Variants in AP2A2 observed in about 807,000 individuals in gnomAD.
AP2A2 encodes the protein AP-2 complex subunit alpha-2.
Under a neutral mutation model 104.2 loss-of-function variants are expected in AP2A2, and 32 were observed. That is an observed-to-expected ratio of 0.31 (90% confidence interval 0.23 to 0.41). The LOEUF is 0.41. Among genes scored for constraint, AP2A2 ranks in the 10% least tolerant of loss-of-function variants. The pLI, the probability that AP2A2 is intolerant of heterozygous loss-of-function variation, is 1.00. For missense variants in AP2A2, 912 were observed against 1,261.0 expected (o/e 0.72, Z 4.19); for synonymous variants, 539 against 533.3 (o/e 1.01, Z -0.15).
chr11:960,066 A>G (rs750418956), intron 2 of AP2A2, among the ~76,000 whole-genome samples: 36 of 152,128 alleles, frequency 2.4e-4, no homozygotes, highest in Admixed American at 3.9e-4. Context: ...CACCTCCCTG[A>G]GCATACCTTA....
At chr11:934,868 T>C (rs1252225840) in intron 1 of AP2A2, among the ~76,000 whole-genome samples, 1 of 151,976 alleles carries the variant, frequency 6.6e-6, no homozygotes, top group African/African-American at 2.4e-5. Flanking sequence ...CTTTTCTTTT[T>C]TTTTTTTGGA....
intron 2 of AP2A2, among the ~76,000 whole-genome samples, chr11:969,564 G>A (rs1854749092): frequency 6.6e-6 from 1 of 152,048 alleles, no homozygotes; most frequent in African/African-American, 2.4e-5. Flanking sequence ...TTTATATTTT[G>A]GAATTTTATA....
At chr11:973,974 C>T (rs900367889) in intron 4 of AP2A2, among the ~76,000 whole-genome samples, 3 of 152,204 alleles carry the variant, frequency 2.0e-5, no homozygotes, top group Non-Finnish European at 4.4e-5. Flanking sequence ...CCCTGAGGCA[C>T]GTGCAGATTG....
chr11:993,884 G>A lies in AP2A2; in HGVS notation c.1681G>A (p.Val561Met), dbSNP rs1378303118. 5.0e-6 allele frequency: 8 copies of A among 1,610,414 alleles called. No homozygotes were observed. Among genetic ancestry groups the A allele is most frequent in the African/African-American group, 1.3e-5 (1 of 74,910 alleles). The part of the protein sequence containing the change: ...FPEVKPTIQD[V>M]LRSDSQLRNA... Reference sequence around the variant, plus strand: ...GGAGGTGAAGCCCACCATCCAGGACGTGCTGCGCAGCGACAGCCAGCTCAG... The same window carrying A: ...GGAGGTGAAGCCCACCATCCAGGACATGCTGCGCAGCGACAGCCAGCTCAG... The change falls in exon 13 of 22, where the codon GTG (valine) becomes ATG (methionine). Residue 561 changes from valine to methionine, a missense_variant. Physicochemically the swap from Val to Met is conservative, Grantham distance 21. Around this residue, in one of 7 missense-constraint regions of AP2A2, gnomAD observed 137 missense variants for 186.9 expected, o/e 0.73. Coordinates refer to ENST00000448903, the MANE Select transcript of AP2A2 (RefSeq NM_012305.4). The surrounding 1 kb of genome is among the most constrained non-coding windows in gnomAD (Gnocchi z 8.2).
intron 21 of AP2A2, chr11:1,010,088 C>G (rs147513499): frequency 1.2e-5 from 6 of 498,588 alleles, no homozygotes; most frequent in Non-Finnish European, 1.8e-5. Flanking sequence ...CCCAGCCTCC[C>G]CACAGCTGGC....
intron 3 of AP2A2, 115 bp from the exon 4 acceptor site, chr11:971,947 G>A (rs936899119): frequency 9.9e-7 from 1 of 1,013,602 alleles, no homozygotes; most frequent in African/African-American, 1.6e-5. Flanking sequence ...CTGGGTGCGT[G>A]GGTGGTGCCT....
chr11:984,494 T>G, intron 6 of AP2A2, 151 bp from the exon 7 acceptor site: 2 of 675,520 alleles, frequency 3.0e-6, no homozygotes, highest in Non-Finnish European at 5.1e-6. Context: ...ACCCAGGGGG[T>G]ACCAAGCAGT....
At chr11:929,086 G>A (rs1565222201) in intron 1 of AP2A2, among the ~76,000 whole-genome samples, 1 of 152,204 alleles carries the variant, frequency 6.6e-6, no homozygotes, top group Non-Finnish European at 1.5e-5. Flanking sequence ...GGTATTAGAG[G>A]AACAGCAAAT....
At position 971,777 on chromosome 11, in the gene AP2A2, C is replaced by T. The variant is rs530778357; in HGVS notation, c.280-285C>T. Among the ~76,000 whole-genome samples, 44 of 152,256 alleles carry T rather than the reference C, an allele frequency of 2.9e-4. 1 individual carries two copies. Among genetic ancestry groups the T allele is most frequent in the South Asian group, 2.7e-3 (13 of 4,822 alleles). ...TGGCCCACAGTGAAGTGAGTGGGAC[C>T]GGGGGGTCCAGTTCCTGTTGGCATC... On this transcript the variant is annotated intron_variant, in intron 3 of 21. Coordinates refer to ENST00000448903, the MANE Select transcript of AP2A2 (RefSeq NM_012305.4).
chr11:936,050 C>T (rs1251119965), intron 1 of AP2A2, among the ~76,000 whole-genome samples: 1 of 151,038 alleles, frequency 6.6e-6, no homozygotes. Flanking sequence ...TACAGGCGCC[C>T]ACCACCACGC....
chr11:985,524 T>TC lies in AP2A2; in HGVS notation c.906dup (p.Asn303GlnfsTer18). On this transcript the variant is annotated frameshift_variant, in exon 8 of 22. Transcript: ENST00000448903. LOFTEE classifies it high-confidence loss of function. ...GCCCAAGTCGAAGAAGGTCCAGCAC[T>TC]CCAACGCGAAGAATGCCGTGCTCTT... The TC allele has an allele frequency of 6.2e-7, 1 of 1,613,892 alleles. No homozygotes were observed. Among genetic ancestry groups the TC allele is most frequent in the Non-Finnish European group, 8.5e-7 (1 of 1,179,874 alleles).
At chr11:936,994 G>A (rs952588890) in intron 1 of AP2A2, among the ~76,000 whole-genome samples, 2 of 152,044 alleles carry the variant, frequency 1.3e-5, no homozygotes, top group Non-Finnish European at 2.9e-5. Flanking sequence ...CTCTGCTCCA[G>A]GGAGTTTCCT....
At chr11:1,007,908 G>A (rs186553705) in intron 17 of AP2A2, 104 bp from the exon 18 acceptor site, 1,408 of 1,504,244 alleles carry the variant, frequency 9.4e-4, no homozygotes, top group Non-Finnish European at 1.2e-3. Flanking sequence ...GTCCTAGAGT[G>A]TGGTGAGTGT....
intron 10 of AP2A2, among the ~76,000 whole-genome samples, chr11:989,860 C>T (rs1284912088): frequency 6.6e-6 from 1 of 152,198 alleles, no homozygotes; most frequent in Non-Finnish European, 1.5e-5. Flanking sequence ...AGGACCACAG[C>T]CTCTTGTTGA....
intron 2 of AP2A2, among the ~76,000 whole-genome samples, 196 bp downstream of exon 2, chr11:959,701 C>T (rs550026324): frequency 6.6e-5 from 10 of 152,312 alleles, no homozygotes; most frequent in African/African-American, 2.4e-4. Context: ...CTCCTGGTGT[C>T]TGGTCTTTTC....
intron 1 of AP2A2, among the ~76,000 whole-genome samples, chr11:934,849 G>T (rs1360373417): frequency 1.3e-5 from 2 of 151,166 alleles, no homozygotes; most frequent in South Asian, 2.1e-4. Context: ...GCAAGTACGT[G>T]TTTCTTTTCT....
intron 1 of AP2A2, among the ~76,000 whole-genome samples, chr11:926,721 CCGGA>C (rs1853132841): frequency 6.6e-6 from 1 of 152,178 alleles, no homozygotes; most frequent in Admixed American, 6.5e-5. Flanking sequence ...TGACTCATTC[CCGGA>C]GGGAATCTGG....
chr11:954,299 C>T (rs1854155720), intron 1 of AP2A2, among the ~76,000 whole-genome samples: 2 of 152,234 alleles, frequency 1.3e-5, no homozygotes, highest in African/African-American at 4.8e-5. Flanking sequence ...TCACTCTTGT[C>T]ATCACCTTCC....
intron 1 of AP2A2, among the ~76,000 whole-genome samples, chr11:953,571 A>C (rs530508141): frequency 1.3e-5 from 2 of 149,276 alleles, no homozygotes; most frequent in African/African-American, 4.9e-5. Flanking sequence ...GTCTTCACAC[A>C]GTGGCCTGCC....
Sources: allele counts gnomAD v4.1 joint callset (sites outside exome capture counted in the v4.1 genomes callset), GRCh38; gene constraint gnomAD v4.1.1; regional missense constraint gnomAD v4.1.1; non-coding constraint Gnocchi (gnomAD v3.1); transcripts MANE v1.5; gene names NCBI Gene and HGNC (gene_info 2026-07-23, HGNC 2026-07-21).